MYLK: variants seen among roughly 807,000 people sequenced by gnomAD.
MYLK encodes the protein myosin light chain kinase, also known as myosin light chain kinase, smooth muscle.
In MYLK, 106 loss-of-function variants were observed where a neutral mutation model predicts 203.4. The observed-to-expected ratio is 0.52, with a 90% CI of 0.45 to 0.61. The LOEUF is 0.61. Among genes scored for constraint, MYLK ranks in the 20% least tolerant of loss-of-function variants. The pLI, the probability that MYLK is intolerant of heterozygous loss-of-function variation, is 0.00. For missense variants in MYLK, 2,072 were observed against 2,442.3 expected (o/e 0.85, Z 3.20); for synonymous variants, 867 against 959.5 (o/e 0.90, Z 1.78).
At chr3:123,832,126 G>A (rs984133443) in intron 2 of MYLK, among the ~76,000 whole-genome samples, 6 of 152,310 alleles carry the variant, frequency 3.9e-5, no homozygotes, top group Non-Finnish European at 7.3e-5. Context: ...GACAGGGCAG[G>A]AAAAGAAACA....
intron 24 of MYLK, among the ~76,000 whole-genome samples, chr3:123,656,222 C>T (rs2059384394): frequency 6.6e-6 from 1 of 152,182 alleles, no homozygotes; most frequent in South Asian, 2.1e-4. Flanking sequence ...CCCAGAAGGG[C>T]CTGGGGGAGT....
At chr3:123,841,110 T>C (rs1371563775) in intron 2 of MYLK, among the ~76,000 whole-genome samples, 1 of 152,146 alleles carries the variant, frequency 6.6e-6, no homozygotes, top group Non-Finnish European at 1.5e-5. Context: ...GAGGAGCTTC[T>C]TACTACCGGA....
intron 3 of MYLK, among the ~76,000 whole-genome samples, chr3:123,812,053 C>A (rs2065579386): frequency 6.6e-6 from 1 of 152,064 alleles, no homozygotes; most frequent in African/African-American, 2.4e-5. Context: ...TGTCATTACC[C>A]AATATGGAAC....
intron 2 of MYLK, among the ~76,000 whole-genome samples, chr3:123,855,254 A>G (rs1005926979): frequency 1.3e-5 from 2 of 152,052 alleles, no homozygotes; most frequent in African/African-American, 4.8e-5. Flanking sequence ...TTTACCTTCC[A>G]TACCTTTAAA....
At chr3:123,630,337 T>TG (rs977270336) in intron 29 of MYLK, among the ~76,000 whole-genome samples, 18 of 152,196 alleles carry the variant, frequency 1.2e-4, no homozygotes, top group Non-Finnish European at 1.5e-5. Context: ...AACTATAGGG[T>TG]GGTCACTTCT....
At chr3:123,667,035 G>T in intron 21 of MYLK, 102 bp downstream of exon 21, 1 of 1,090,114 alleles carries the variant, frequency 9.2e-7, no homozygotes, top group Non-Finnish European at 1.4e-6. Flanking sequence ...GCAGTGGGGT[G>T]TCTCCTGGGA....
intron 2 of MYLK, among the ~76,000 whole-genome samples, chr3:123,844,204 C>T (rs2066657053): frequency 6.6e-6 from 1 of 152,118 alleles, no homozygotes; most frequent in South Asian, 2.1e-4. Context: ...CCCAGGAAGG[C>T]TAGTGGACAT....
At chr3:123,767,994 G>GC (rs1270703712) in intron 4 of MYLK, among the ~76,000 whole-genome samples, 2 of 152,202 alleles carry the variant, frequency 1.3e-5, no homozygotes, top group Non-Finnish European at 2.9e-5. Context: ...TTCTGAAGGA[G>GC]CCCCTAGGCT....
At chr3:123,868,455 C>G (rs189971275) in intron 2 of MYLK, among the ~76,000 whole-genome samples, 8 of 152,260 alleles carry the variant, frequency 5.3e-5, no homozygotes, top group African/African-American at 1.9e-4. Context: ...TTTCTGAGCA[C>G]TTACTATGTG....
chr3:123,833,256 G>T (rs992459614), intron 2 of MYLK, among the ~76,000 whole-genome samples: 6 of 152,178 alleles, frequency 3.9e-5, no homozygotes, highest in Non-Finnish European at 7.3e-5. Flanking sequence ...GTTTCCACAT[G>T]TCTCATAAGC....
intron 16 of MYLK, among the ~76,000 whole-genome samples, chr3:123,704,129 T>A: frequency 6.6e-6 from 1 of 152,196 alleles, no homozygotes; most frequent in Middle Eastern, 3.2e-3. Flanking sequence ...CCCCCAGCAG[T>A]CTAAGGGGTC....
intron 18 of MYLK, among the ~76,000 whole-genome samples, chr3:123,697,189 A>G (rs1445911072): frequency 6.6e-6 from 1 of 152,250 alleles, no homozygotes; most frequent in Non-Finnish European, 1.5e-5. Flanking sequence ...ACCTGCTTAA[A>G]TGGTGACTGA....
At chr3:123,757,933 C>T (rs1417698905) in intron 4 of MYLK, among the ~76,000 whole-genome samples, 1 of 151,984 alleles carries the variant, frequency 6.6e-6, no homozygotes, top group African/African-American at 2.4e-5. Context: ...TGATTAAAAA[C>T]TGAAAAATAG....
intron 13 of MYLK, among the ~76,000 whole-genome samples, chr3:123,712,238 C>T (rs1260485717): frequency 1.3e-5 from 2 of 152,196 alleles, no homozygotes; most frequent in Admixed American, 1.3e-4. Context: ...TGATCTATCT[C>T]GTTTCTCTCA....
intron 3 of MYLK, among the ~76,000 whole-genome samples, chr3:123,825,645 A>G (rs576643789): frequency 3.5e-4 from 53 of 152,254 alleles, no homozygotes; most frequent in Non-Finnish European, 6.5e-4. Flanking sequence ...GACCTCAGCC[A>G]CCTCTGGATT....
intron 4 of MYLK, among the ~76,000 whole-genome samples, chr3:123,779,161 C>T (rs1419414432): frequency 6.6e-6 from 1 of 152,216 alleles, no homozygotes; most frequent in African/African-American, 2.4e-5. Flanking sequence ...GCCACAGCAG[C>T]TCTCCTGTCC....
chr3:123,767,210 G>A (rs2063734259), intron 4 of MYLK, among the ~76,000 whole-genome samples: 1 of 152,224 alleles, frequency 6.6e-6, no homozygotes, highest in African/African-American at 2.4e-5. Context: ...GCAGTGGGTT[G>A]AGAAGCCTGC....
At chr3:123,659,450 AGAG>A (rs2059495412) in intron 23 of MYLK, among the ~76,000 whole-genome samples, 2 of 152,190 alleles carry the variant, frequency 1.3e-5, no homozygotes, top group Non-Finnish European at 2.9e-5. Context: ...TTGTCACACA[AGAG>A]AAGATGCAAA....
rs2058295237 is a variant in MYLK, at chr3:123,629,085, G to T, written c.5114+389C>A. Among the ~76,000 whole-genome samples the T allele has an allele frequency of 6.6e-6, 1 of 152,282 alleles. No homozygotes were observed. The highest frequency in any genetic ancestry group is 2.4e-5 in the African/African-American group (1 of 41,574). On this transcript the variant is annotated intron_variant, in intron 30 of 33. Coordinates refer to ENST00000360304, the MANE Select transcript of MYLK (RefSeq NM_053025.4). The surrounding 1 kb of genome is among the most constrained non-coding windows in gnomAD (Gnocchi z 4.4). ...ATGCCCGTGTCCTCTGCTCTTGCTTGTTGAGAGGGTCCTTCCCCTGCAGCC... is the reference window on the plus strand; with the variant it reads ...ATGCCCGTGTCCTCTGCTCTTGCTTTTTGAGAGGGTCCTTCCCCTGCAGCC...
Sources: allele counts gnomAD v4.1 joint callset (sites outside exome capture counted in the v4.1 genomes callset), GRCh38; gene constraint gnomAD v4.1.1; non-coding constraint Gnocchi (gnomAD v3.1); transcripts MANE v1.5; gene names NCBI Gene and HGNC (gene_info 2026-07-23, HGNC 2026-07-21).